Variants in PPIP5K2 observed in about 807,000 individuals in gnomAD.
PPIP5K2 encodes the protein diphosphoinositol pentakisphosphate kinase 2.
A neutral mutation model predicts 154.6 loss-of-function variants in PPIP5K2; 105 were observed. That is an observed-to-expected ratio of 0.68 (90% CI 0.58 to 0.80). PPIP5K2 has a LOEUF of 0.80. Ranked by LOEUF, PPIP5K2 falls within the 30% of genes least tolerant of loss-of-function variation. The pLI is 0.00. For missense variants in PPIP5K2, 992 were observed against 1,504.6 expected, an observed-to-expected ratio of 0.66 and a Z score of 5.64; for synonymous variants, 480 against 490.3, an observed-to-expected ratio of 0.98 and a Z score of 0.28.
intron 21 of PPIP5K2, among the ~76,000 whole-genome samples, chr5:103,176,341 A>G (rs1421329053): frequency 6.6e-6 from 1 of 152,054 alleles, no homozygotes; most frequent in Non-Finnish European, 1.5e-5. Flanking sequence ...GAAAATTTTC[A>G]GTATTTAAAC....
At chr5:103,144,372 A>T (rs576911663) in intron 5 of PPIP5K2, among the ~76,000 whole-genome samples, 2 of 152,338 alleles carry the variant, frequency 1.3e-5, no homozygotes, top group African/African-American at 4.8e-5. Context: ...AGCCATCTAC[A>T]GATTCAATGC....
intron 5 of PPIP5K2, among the ~76,000 whole-genome samples, chr5:103,141,605 C>T (rs1792672380): frequency 6.6e-6 from 1 of 152,174 alleles, no homozygotes; most frequent in African/African-American, 2.4e-5. Flanking sequence ...CAAAGGTTCT[C>T]CACGTCCCCA....
intron 17 of PPIP5K2, among the ~76,000 whole-genome samples, chr5:103,160,062 T>G (rs1034978924): frequency 2.0e-5 from 3 of 152,180 alleles, no homozygotes; most frequent in Non-Finnish European, 4.4e-5. Flanking sequence ...ACATAGTGTC[T>G]TCTAGGTTCA....
chr5:103,152,951 A>G (rs933671897), intron 10 of PPIP5K2, among the ~76,000 whole-genome samples: 7 of 151,902 alleles, frequency 4.6e-5, no homozygotes, highest in Non-Finnish European at 8.9e-5. Context: ...ACATGCCTGG[A>G]TAATTATAGA....
intron 17 of PPIP5K2, among the ~76,000 whole-genome samples, chr5:103,165,670 A>T (rs1169074853): frequency 6.6e-6 from 1 of 152,148 alleles, no homozygotes; most frequent in African/African-American, 2.4e-5. Flanking sequence ...AAAAGTTTAT[A>T]GGAACAGTTT....
chr5:103,148,026 TGTTAA>T lies in PPIP5K2; in HGVS notation c.740_744del (p.Val247GlyfsTer12). Reference sequence around the variant, plus strand: ...AGTTTATGCCCACAGATGGTACTGATGTTAAGGTAGGATTGATTAAAATAGATTTT... The same window carrying T: ...AGTTTATGCCCACAGATGGTACTGATGGTAGGATTGATTAAAATAGATTTT... On this transcript the variant is annotated frameshift_variant and splice_region_variant, in exon 7 of 31. Coordinates refer to ENST00000358359, the MANE Select transcript of PPIP5K2 (RefSeq NM_001276277.3). LOFTEE classifies it high-confidence loss of function. 1 of 1,563,170 alleles carries T rather than the reference TGTTAA, an allele frequency of 6.4e-7. No homozygotes were observed. Among genetic ancestry groups the T allele is most frequent in the Non-Finnish European group, 8.7e-7 (1 of 1,144,900 alleles).
intron 25 of PPIP5K2, among the ~76,000 whole-genome samples, chr5:103,184,026 T>C (rs1313971270): frequency 6.6e-6 from 1 of 152,188 alleles, no homozygotes; most frequent in African/African-American, 2.4e-5. Flanking sequence ...ATTGCATATG[T>C]GCCCATCAAC....
In PPIP5K2 at chr5:103,209,041, T is replaced by G. The variant is rs1803664040; in HGVS notation, c.*7407T>G. 2 of 152,208 alleles carry G rather than the reference T, an allele frequency of 1.3e-5. No individual in the cohort carries two copies. Among genetic ancestry groups the G allele is most frequent in the African/African-American group, 4.8e-5 (2 of 41,460 alleles). 9.4% of individuals were successfully genotyped at this position (152,208 alleles called of 1,614,324 possible). On this transcript the variant is annotated 3_prime_UTR_variant, in exon 31 of 31. Transcript: ENST00000358359. ...CCTCTCTTTAGACTGCCCATCTCAA[T>G]TATATTTTAAAAATGAAGTTAATAT...
chr5:103,140,768 C>T (rs112498205), intron 5 of PPIP5K2, among the ~76,000 whole-genome samples: 218 of 146,252 alleles, frequency 1.5e-3, no homozygotes, highest in Admixed American at 2.4e-3. Context: ...ACCCGGAAGG[C>T]GGAGCTTGCA....
At position 103,138,449 on chromosome 5, in the gene PPIP5K2, G is replaced by A. The variant is rs782397265; in HGVS notation, c.467G>A (p.Arg156His). The change falls in exon 5 of 31, where the codon CGT (arginine) becomes CAT (histidine). Residue 156 changes from arginine to histidine, a missense_variant. Coordinates refer to ENST00000358359, the MANE Select transcript of PPIP5K2 (RefSeq NM_001276277.3). ...ILLPRYAILN[R>H]DPNNPKECNL... ...CTTCCTCGTTATGCTATTTTGAACC[G>A]TGACCCAAATAATCCCAAAGGTAAG... The A allele has an allele frequency of 5.0e-6, 8 of 1,603,738 alleles. No individual in the cohort carries two copies. The highest frequency in any genetic ancestry group is 2.2e-5 in the East Asian group (1 of 44,458).
At chr5:103,144,490 C>G (rs1385736278) in intron 5 of PPIP5K2, among the ~76,000 whole-genome samples, 5 of 152,074 alleles carry the variant, frequency 3.3e-5, no homozygotes, top group Admixed American at 6.6e-5. Flanking sequence ...GCAAAAACAA[C>G]AAAACTGGAG....
intron 2 of PPIP5K2, among the ~76,000 whole-genome samples, chr5:103,130,558 G>A (rs192270524): frequency 1.3e-5 from 2 of 152,052 alleles, no homozygotes; most frequent in African/African-American, 2.4e-5. Flanking sequence ...CTTTCACAGT[G>A]GAGTTACACA....
At chr5:103,128,808 G>T (rs948302089) in intron 1 of PPIP5K2, among the ~76,000 whole-genome samples, 10 of 151,976 alleles carry the variant, frequency 6.6e-5, no homozygotes, top group Non-Finnish European at 1.5e-4. Flanking sequence ...TTATGTATGA[G>T]ACCAGAATAT....
chr5:103,131,203 G>T (rs980612915), intron 2 of PPIP5K2, among the ~76,000 whole-genome samples: 1 of 152,054 alleles, frequency 6.6e-6, no homozygotes, highest in Admixed American at 6.5e-5. Flanking sequence ...CAATATCCAT[G>T]GGGGATTGGT....
chr5:103,137,256 G>A (rs1016919779), intron 4 of PPIP5K2, among the ~76,000 whole-genome samples: 60 of 149,864 alleles, frequency 4.0e-4, no homozygotes, highest in African/African-American at 8.1e-4. Flanking sequence ...TCCCCCTCCC[G>A]GGTTCCCGCC....
At chr5:103,174,046 C>T in intron 21 of PPIP5K2, 74 bp downstream of exon 21, 2 of 1,174,858 alleles carry the variant, frequency 1.7e-6, no homozygotes, top group South Asian at 2.9e-5. Context: ...GCTATTTTTA[C>T]TGTGAAATTT....
intron 29 of PPIP5K2, among the ~76,000 whole-genome samples, chr5:103,191,560 A>G (rs1487716215): frequency 1.3e-5 from 2 of 152,132 alleles, no homozygotes; most frequent in Non-Finnish European, 2.9e-5. Flanking sequence ...TTGGAGAGGT[A>G]TAGCTACATT....
rs1583227599 is a variant in PPIP5K2, at chr5:103,136,603, C to T, written c.311-129C>T. ...TCAAGGTTTATGTATATATTCCATACCTTTTATAGAAGGGTGTTATGTGTT... is the reference window on the plus strand; with the variant it reads ...TCAAGGTTTATGTATATATTCCATATCTTTTATAGAAGGGTGTTATGTGTT... On this transcript the variant is annotated intron_variant, in intron 3 of 30. Transcript: ENST00000358359. 16 of 692,454 alleles carry T rather than the reference C, an allele frequency of 2.3e-5. 1 individual carries two copies. In the South Asian group the frequency reaches 2.6e-4, roughly 11 times the overall value. 42.9% of individuals were successfully genotyped at this position (692,454 alleles called of 1,614,324 possible).
chr5:103,193,406 T>C (rs1801574221), intron 29 of PPIP5K2, among the ~76,000 whole-genome samples: 1 of 152,026 alleles, frequency 6.6e-6, no homozygotes, highest in South Asian at 2.1e-4. Flanking sequence ...GAAAAGGAAC[T>C]GTTAATCATT....
Sources: allele counts gnomAD v4.1 joint callset (sites outside exome capture counted in the v4.1 genomes callset), GRCh38; gene constraint gnomAD v4.1.1; transcripts MANE v1.5; gene names NCBI Gene and HGNC (gene_info 2026-07-23, HGNC 2026-07-21).